Variants in AKAP19 observed in about 807,000 individuals in gnomAD.
AKAP19 encodes the protein A-kinase anchoring protein 19, also known as small A-kinase anchoring protein.
the AKAP19 span, among the ~76,000 whole-genome samples, chr2:190,119,026 G>C: frequency 4.9e-4 from 74 of 152,152 alleles, 1 homozygote; most frequent in Non-Finnish European, 4.3e-4. Context: ...AAAGTCTCAG[G>C]ATACAAAATC....
the AKAP19 span, among the ~76,000 whole-genome samples, chr2:190,176,665 C>G: frequency 2.0e-5 from 3 of 152,286 alleles, no homozygotes; most frequent in Admixed American, 2.0e-4. This position sits in a 1 kb window ranked among gnomAD's most constrained non-coding sequence, Gnocchi z 4.7. Context: ...CATTTTCATA[C>G]CCACTCCTAG....
the AKAP19 span, among the ~76,000 whole-genome samples, chr2:190,038,938 T>TTCTTCTTCTTCTTCTTCTTCTTCC: frequency 8.7e-5 from 12 of 137,820 alleles, no homozygotes; most frequent in African/African-American, 2.6e-4. Context: ...CTTCTTCTTC[T>TTCTTCTTCTTCTTCTTCTTCTTCC]TCTTCTTCTT....
the AKAP19 span, among the ~76,000 whole-genome samples, chr2:190,164,825 A>G: frequency 6.6e-6 from 1 of 152,212 alleles, no homozygotes; most frequent in Non-Finnish European, 1.5e-5. Context: ...TTGAGTGCAC[A>G]ATATTTGCCA....
the AKAP19 span, among the ~76,000 whole-genome samples, chr2:190,005,028 T>C: frequency 6.6e-6 from 1 of 152,192 alleles, no homozygotes; most frequent in Non-Finnish European, 1.5e-5. Context: ...TCCAGAAGTG[T>C]GTTCCTTCAT....
the AKAP19 span, among the ~76,000 whole-genome samples, chr2:189,999,611 T>A: frequency 6.6e-6 from 1 of 152,246 alleles, no homozygotes; most frequent in Non-Finnish European, 1.5e-5. Flanking sequence ...CAATGAATTA[T>A]CTTAGTATCT....
chr2:190,005,611 A>AT, the AKAP19 span, among the ~76,000 whole-genome samples: 59 of 152,160 alleles, frequency 3.9e-4, no homozygotes, highest in Admixed American at 2.4e-3. Flanking sequence ...CAGTCTTTAC[A>AT]TTTTGTCATT....
the AKAP19 span, among the ~76,000 whole-genome samples, chr2:189,984,701 G>A: frequency 4.1e-3 from 619 of 152,320 alleles, 6 homozygotes; most frequent in Non-Finnish European, 6.9e-3. Flanking sequence ...TTTAGAGATT[G>A]CAGTAAAGAC....
chr2:189,898,025 T>C, the AKAP19 span, among the ~76,000 whole-genome samples: 1 of 151,900 alleles, frequency 6.6e-6, no homozygotes, highest in Non-Finnish European at 1.5e-5. Context: ...CAGGGCAACA[T>C]TGTGAAAACC....
the AKAP19 span, among the ~76,000 whole-genome samples, chr2:190,083,706 T>G: frequency 1.3e-5 from 2 of 152,190 alleles, no homozygotes; most frequent in Non-Finnish European, 2.9e-5. Context: ...TACAGCTATT[T>G]GCAGCGACAG....
chr2:190,074,380 G>A, the AKAP19 span, among the ~76,000 whole-genome samples: 1 of 152,024 alleles, frequency 6.6e-6, no homozygotes, highest in Non-Finnish European at 1.5e-5. Flanking sequence ...GGCCAGGTGC[G>A]GTGGCTTCAC....
chr2:189,929,736 T>G, the AKAP19 span, among the ~76,000 whole-genome samples: 1 of 152,152 alleles, frequency 6.6e-6, no homozygotes, highest in African/African-American at 2.4e-5. Flanking sequence ...TAAAAGGACC[T>G]AAGGCAATGA....
At chr2:189,947,142 T>C in the AKAP19 span, among the ~76,000 whole-genome samples, 1 of 152,250 alleles carries the variant, frequency 6.6e-6, no homozygotes, top group Non-Finnish European at 1.5e-5. Flanking sequence ...TTTCTTTTAT[T>C]CCTAAAAGTT....
the AKAP19 span, chr2:189,917,587 C>T: frequency 2.3e-6 from 1 of 427,882 alleles, no homozygotes; most frequent in Non-Finnish European, 4.2e-6. Context: ...TGCTGGGCTC[C>T]ACATTTCAAC....
the AKAP19 span, among the ~76,000 whole-genome samples, chr2:189,961,308 T>C: frequency 6.6e-6 from 1 of 152,124 alleles, no homozygotes; most frequent in African/African-American, 2.4e-5. Flanking sequence ...AGCTCAGATA[T>C]GGTCTCTACC....
the AKAP19 span, among the ~76,000 whole-genome samples, chr2:190,099,837 T>C: frequency 2.6e-5 from 4 of 152,246 alleles, no homozygotes; most frequent in African/African-American, 9.6e-5. Flanking sequence ...GAATGAATCC[T>C]TAACTCTTCT....
the AKAP19 span, among the ~76,000 whole-genome samples, chr2:190,032,559 T>G: frequency 1.8e-4 from 27 of 152,186 alleles, 1 homozygote; most frequent in African/African-American, 6.3e-4. Context: ...CTGAACTCTT[T>G]TCACCCCTAC....
chr2:190,173,807 C>T, the AKAP19 span, among the ~76,000 whole-genome samples: 2 of 152,204 alleles, frequency 1.3e-5, no homozygotes, highest in Non-Finnish European at 2.9e-5. Flanking sequence ...TTGTTAAGTA[C>T]AGTGAGTTCT....
the AKAP19 span, among the ~76,000 whole-genome samples, chr2:190,025,757 G>T: frequency 6.6e-6 from 1 of 152,150 alleles, no homozygotes; most frequent in African/African-American, 2.4e-5. Flanking sequence ...ATAATCTGAG[G>T]CTCTCTTTGC....
the AKAP19 span, among the ~76,000 whole-genome samples, chr2:189,992,577 T>G: frequency 6.6e-6 from 1 of 152,206 alleles, no homozygotes; most frequent in South Asian, 2.1e-4. Context: ...AGTATTTTGA[T>G]GATAATTGCA....
Sources: gnomAD v4.1 joint callset for allele counts (sites outside exome capture counted in the v4.1 genomes callset) on GRCh38, gnomAD v4.1.1 for gene constraint, Gnocchi (gnomAD v3.1) non-coding constraint, MANE v1.5 for transcripts, NCBI Gene and HGNC (gene_info 2026-07-23, HGNC 2026-07-21) for gene names.